SPRR2G: variants seen among roughly 807,000 people sequenced by gnomAD.
SPRR2G encodes small proline rich protein 2G, also known as small proline-rich protein 2G.
Under a neutral mutation model 0.7 loss-of-function variants are expected in SPRR2G, and 1 was observed. The ratio of observed to expected loss-of-function variants is 1.49; its 90% CI spans 0.53 to 7.06. SPRR2G has a LOEUF of 7.06. Among genes scored for constraint, SPRR2G ranks in the 30% most tolerant of loss-of-function variants. The pLI is 0.14. For missense variants in SPRR2G, 96 were observed against 88.5 expected, an observed-to-expected ratio of 1.09 and a Z score of -0.34; for synonymous variants, 38 against 33.9, an observed-to-expected ratio of 1.12 and a Z score of -0.42.
chr1:153,167,657 T>C, the SPRR2G span, among the ~76,000 whole-genome samples: 1 of 152,178 alleles, frequency 6.6e-6, no homozygotes, highest in Non-Finnish European at 1.5e-5. Context: ...ATGCTGAATG[T>C]ACAATGGAGG....
the SPRR2G span, among the ~76,000 whole-genome samples, chr1:153,200,008 T>C: frequency 3.9e-5 from 6 of 152,142 alleles, no homozygotes; most frequent in African/African-American, 1.4e-4. Context: ...GAGATTCTAA[T>C]GGAGTTAAAA....
At chr1:153,165,433 G>T in the SPRR2G span, among the ~76,000 whole-genome samples, 1 of 152,246 alleles carries the variant, frequency 6.6e-6, no homozygotes. Context: ...AACTTCCCAG[G>T]TTCCAGAACT....
chr1:153,168,635 A>G, the SPRR2G span, among the ~76,000 whole-genome samples: 1 of 152,204 alleles, frequency 6.6e-6, no homozygotes. Context: ...AAGGAATTAC[A>G]TAAGCATATG....
chr1:153,197,189 G>A, the SPRR2G span, among the ~76,000 whole-genome samples: 1 of 143,880 alleles, frequency 7.0e-6, no homozygotes, highest in East Asian at 2.3e-4. Context: ...TATGTTGGAG[G>A]ATGAAGAGGA....
chr1:153,167,697 C>T, the SPRR2G span, among the ~76,000 whole-genome samples: 5 of 152,214 alleles, frequency 3.3e-5, no homozygotes, highest in East Asian at 9.7e-4. Context: ...AGTTCTCTGA[C>T]CTTATCTTCT....
At chr1:153,198,102 C>A in the SPRR2G span, among the ~76,000 whole-genome samples, 1 of 152,046 alleles carries the variant, frequency 6.6e-6, no homozygotes, top group East Asian at 1.9e-4. Context: ...AGAAATCATG[C>A]CCAAGGAGAA....
At chr1:153,158,948 G>A in the SPRR2G span, among the ~76,000 whole-genome samples, 1 of 152,150 alleles carries the variant, frequency 6.6e-6, no homozygotes, top group Admixed American at 6.5e-5. Flanking sequence ...TGGGATGCAG[G>A]GTACCAAGTC....
the SPRR2G span, among the ~76,000 whole-genome samples, chr1:153,199,778 C>CT: frequency 6.6e-6 from 1 of 151,884 alleles, no homozygotes; most frequent in Non-Finnish European, 1.5e-5. Context: ...CATGCGATTT[C>CT]TTAGCATGAT....
chr1:153,159,639 T>C, the SPRR2G span, among the ~76,000 whole-genome samples: 71,698 of 152,058 alleles, frequency 0.47, 17,955 homozygotes, highest in Non-Finnish European at 0.57. Context: ...AGATACTACC[T>C]GAAACTGGGT....
At chr1:153,154,105 T>C (rs948383515), upstream of SPRR2G, among the ~76,000 whole-genome samples, 3 of 152,118 alleles carry the variant, frequency 2.0e-5, no homozygotes, top group Non-Finnish European at 4.4e-5. Flanking sequence ...ATTCTGTTTA[T>C]GTAGTGTATC....
the SPRR2G span, among the ~76,000 whole-genome samples, chr1:153,182,040 T>C: frequency 6.6e-6 from 1 of 152,240 alleles, no homozygotes; most frequent in South Asian, 2.1e-4. Flanking sequence ...TACCCACCAA[T>C]GGTGTATGAG....
upstream of SPRR2G, among the ~76,000 whole-genome samples, chr1:153,152,253 G>C (rs1656486799): frequency 6.6e-6 from 1 of 152,126 alleles, no homozygotes; most frequent in Non-Finnish European, 1.5e-5. Flanking sequence ...TTTAGAGTGA[G>C]GCCTATCTAG....
At chr1:153,157,338 T>C in the SPRR2G span, among the ~76,000 whole-genome samples, 8 of 152,224 alleles carry the variant, frequency 5.3e-5, no homozygotes, top group African/African-American at 1.9e-4. Flanking sequence ...GATATGATAT[T>C]TGGAACTGTA....
At chr1:153,160,748 C>A in the SPRR2G span, among the ~76,000 whole-genome samples, 1 of 151,406 alleles carries the variant, frequency 6.6e-6, no homozygotes, top group Non-Finnish European at 1.5e-5. Flanking sequence ...TGGGTATATA[C>A]CCAAAGGATT....
chr1:153,193,680 T>G, the SPRR2G span, among the ~76,000 whole-genome samples: 15 of 152,190 alleles, frequency 9.9e-5, no homozygotes, highest in Non-Finnish European at 4.4e-5. Context: ...GGAATCCTTA[T>G]AGAAGAACTG....
the SPRR2G span, among the ~76,000 whole-genome samples, chr1:153,181,088 T>C: frequency 6.6e-6 from 1 of 152,154 alleles, no homozygotes; most frequent in South Asian, 2.1e-4. Flanking sequence ...CATTTTGCAA[T>C]CTTGGTGGTG....
the SPRR2G span, chr1:153,174,473 C>A: frequency 2.0e-5 from 3 of 152,266 alleles, no homozygotes; most frequent in African/African-American, 7.2e-5. Flanking sequence ...ACCATTGCTA[C>A]ATCATGCCAG....
At chr1:153,197,132 ATGTGTGTG>A in the SPRR2G span, among the ~76,000 whole-genome samples, 35,596 of 140,400 alleles carry the variant, frequency 0.25, 4,652 homozygotes, top group Non-Finnish European at 0.3. Context: ...CAGGCAGAGA[ATGTGTGTG>A]TGTGTGTGTG....
chr1:153,168,260 C>CT, the SPRR2G span, among the ~76,000 whole-genome samples: 2 of 152,210 alleles, frequency 1.3e-5, no homozygotes, highest in Non-Finnish European at 2.9e-5. Context: ...ATAGCTTTAT[C>CT]TATTTTCAAC....
Sources: allele counts gnomAD v4.1 joint callset (sites outside exome capture counted in the v4.1 genomes callset), GRCh38; gene constraint gnomAD v4.1.1; transcripts MANE v1.5; gene names NCBI Gene and HGNC (gene_info 2026-07-23, HGNC 2026-07-21).